The following KCNMA1 variants were observed in gnomAD, a reference collection of about 807,000 sequenced individuals.
KCNMA1 encodes the protein Calcium-activated potassium channel subunit alpha-1.
In KCNMA1, 29 loss-of-function variants were observed where a neutral mutation model predicts 140.0. That is an observed-to-expected ratio of 0.21 (90% CI 0.15 to 0.28). The LOEUF (loss-of-function observed/expected upper bound fraction) is 0.28. Ranked by LOEUF, KCNMA1 falls within the 10% of genes least tolerant of loss-of-function variation. The probability of loss-of-function intolerance (pLI) is 1.00; values close to 1 mark genes in which losing one functional copy is unlikely to be tolerated. For synonymous variants in KCNMA1, 612 were observed against 611.9 expected, an observed-to-expected ratio of 1.00 and a Z score of 0.00; for missense variants, 880 against 1,602.2, an observed-to-expected ratio of 0.55 and a Z score of 7.70.
At chr10:76,958,065 G>C (rs573546357) in intron 20 of KCNMA1, among the ~76,000 whole-genome samples, 1 of 152,288 alleles carries the variant, frequency 6.6e-6, no homozygotes, top group African/African-American at 2.4e-5. Context: ...ATTGCTAGAA[G>C]AAAGTCCAAG....
At chr10:77,145,400 A>G (rs1051674936) in intron 5 of KCNMA1, among the ~76,000 whole-genome samples, 2 of 152,210 alleles carry the variant, frequency 1.3e-5, no homozygotes, top group Non-Finnish European at 2.9e-5. Context: ...ATGTGGGCCC[A>G]TTTCTCTGGA....
intron 2 of KCNMA1, among the ~76,000 whole-genome samples, chr10:77,346,844 C>T: frequency 6.6e-6 from 1 of 152,214 alleles, no homozygotes; most frequent in Non-Finnish European, 1.5e-5. Flanking sequence ...GGTTCAAGAA[C>T]ATTGTCCTCA....
rs139515379 is a variant in KCNMA1, at chr10:77,090,495, G to A, written c.1239C>T (p.Cys413=). The change falls in exon 10 of 28, where the codon TGC becomes TGT. Residue 413 remains cysteine, a synonymous_variant. Transcript: ENST00000286628. The part of the protein sequence containing the change: ...AVSGRKHIVV[C]GHITLESVSN... The stretch of plus-strand genomic sequence containing the variant: ...AAACACTCTCCAGAGTGATGTGTCC[G>A]CAGACCACAATGTGCCTGAACAGGA... 4.0e-5 allele frequency: 64 copies of A among 1,612,830 alleles called. No homozygotes were observed. Among genetic ancestry groups the A allele is most frequent in the African/African-American group, 5.3e-5 (4 of 74,904 alleles).
intron 5 of KCNMA1, among the ~76,000 whole-genome samples, chr10:77,142,632 G>A (rs985519071): frequency 2.0e-5 from 3 of 152,098 alleles, no homozygotes; most frequent in Non-Finnish European, 4.4e-5. Context: ...ATATCTTGAA[G>A]AGGGAAGTAG....
chr10:77,495,301 G>T (rs748970091), intron 1 of KCNMA1, among the ~76,000 whole-genome samples: 1 of 152,202 alleles, frequency 6.6e-6, no homozygotes, highest in African/African-American at 2.4e-5. Context: ...CCTCCCGCCT[G>T]CACTGCTCTG....
chr10:77,226,972 ATCC>A (rs1216883391), intron 3 of KCNMA1, among the ~76,000 whole-genome samples: 5 of 152,180 alleles, frequency 3.3e-5, no homozygotes, highest in Non-Finnish European at 7.3e-5. Flanking sequence ...AAATGCCAGA[ATCC>A]TCCTTCTTAG....
intron 10 of KCNMA1, among the ~76,000 whole-genome samples, chr10:77,088,515 T>G (rs1295611545): frequency 6.6e-6 from 1 of 152,094 alleles, no homozygotes; most frequent in Non-Finnish European, 1.5e-5. Context: ...CTGCAACCTC[T>G]GCCTCTCAGG....
chr10:76,984,098 T>C (rs1228795612), intron 19 of KCNMA1, among the ~76,000 whole-genome samples: 1 of 152,224 alleles, frequency 6.6e-6, no homozygotes, highest in East Asian at 1.9e-4. Context: ...TAACAGAAAC[T>C]CTGATCCTGT....
At chr10:77,550,816 G>T (rs1170030199) in intron 1 of KCNMA1, among the ~76,000 whole-genome samples, 1 of 152,128 alleles carries the variant, frequency 6.6e-6, no homozygotes, top group Non-Finnish European at 1.5e-5. Flanking sequence ...TGTCCAGGTG[G>T]GGGGCTATTT....
chr10:77,242,870 T>C (rs1489371478), intron 3 of KCNMA1, among the ~76,000 whole-genome samples: 2 of 150,560 alleles, frequency 1.3e-5, no homozygotes, highest in South Asian at 2.1e-4. Context: ...CTTCTCCACT[T>C]AATTTTTAGG....
chr10:77,383,664 G>T (rs138188380), intron 2 of KCNMA1, among the ~76,000 whole-genome samples: 30 of 152,096 alleles, frequency 2.0e-4, no homozygotes, highest in Non-Finnish European at 5.9e-5. Flanking sequence ...ATTATAATAA[G>T]GTTTTTTTAC....
At chr10:77,403,739 C>A in intron 2 of KCNMA1, 123 bp downstream of exon 2, 1 of 936,292 alleles carries the variant, frequency 1.1e-6, no homozygotes, top group Non-Finnish European at 1.6e-6. Context: ...ACTTGCTGCT[C>A]ACCCCCACCT....
intron 2 of KCNMA1, among the ~76,000 whole-genome samples, chr10:77,355,704 C>T (rs889309004): frequency 7.9e-5 from 12 of 152,196 alleles, no homozygotes; most frequent in African/African-American, 2.9e-4. Flanking sequence ...TAAGTCAGCC[C>T]TAATTCTGTG....
At chr10:76,877,356 A>G (rs1482474736), downstream of KCNMA1, 1 of 155,038 alleles carries the variant, frequency 6.5e-6, no homozygotes, top group Non-Finnish European at 1.4e-5. Flanking sequence ...CCTCAAAGAA[A>G]AAGAGAGAAA....
intron 18 of KCNMA1, among the ~76,000 whole-genome samples, chr10:77,009,300 T>C (rs2090098154): frequency 6.6e-6 from 1 of 152,204 alleles, no homozygotes; most frequent in Non-Finnish European, 1.5e-5. Context: ...CAAACAATTA[T>C]GGGCCTCTCT....
intron 19 of KCNMA1, among the ~76,000 whole-genome samples, chr10:76,994,749 G>T (rs1000580111): frequency 1.3e-5 from 2 of 152,170 alleles, no homozygotes; most frequent in African/African-American, 4.8e-5. Flanking sequence ...AGGCTTCACT[G>T]GGAGTCAAAG....
intron 1 of KCNMA1, among the ~76,000 whole-genome samples, chr10:77,449,201 A>T (rs2097582461): frequency 6.6e-6 from 1 of 152,196 alleles, no homozygotes; most frequent in South Asian, 2.1e-4. Flanking sequence ...AAATTATATT[A>T]AATAAAAAAG....
At chr10:77,060,715 T>A (rs1429414870) in intron 14 of KCNMA1, among the ~76,000 whole-genome samples, 1 of 152,212 alleles carries the variant, frequency 6.6e-6, no homozygotes. Flanking sequence ...TTTGCAGAAG[T>A]GATTAACGAT....
intron 10 of KCNMA1, 57 bp downstream of exon 10, chr10:77,090,343 G>C: frequency 8.8e-7 from 1 of 1,130,370 alleles, no homozygotes; most frequent in Non-Finnish European, 1.4e-6. Flanking sequence ...CATTCAGGGA[G>C]TCCCTCGCAG....
Sources: allele counts gnomAD v4.1 joint callset (sites outside exome capture counted in the v4.1 genomes callset), GRCh38; gene constraint gnomAD v4.1.1; transcripts MANE v1.5; gene names NCBI Gene and HGNC (gene_info 2026-07-23, HGNC 2026-07-21).